The following IL1RAPL1 variants were observed in gnomAD, a reference collection of about 807,000 sequenced individuals.
IL1RAPL1 encodes the protein interleukin-1 receptor accessory protein-like 1.
A neutral mutation model predicts 48.4 loss-of-function variants in IL1RAPL1; 3 were observed. The observed-to-expected ratio is 0.06, with a 90% CI of 0.03 to 0.16. The LOEUF (loss-of-function observed/expected upper bound fraction) is 0.16, where lower values mean the gene tolerates loss of function less well. Ranked by LOEUF, IL1RAPL1 falls within the 10% of genes least tolerant of loss-of-function variation. IL1RAPL1 has a pLI of 1.00. For missense variants in IL1RAPL1, 349 were observed against 530.6 expected, an observed-to-expected ratio of 0.66 and a Z score of 3.36; for synonymous variants, 185 against 187.7, an observed-to-expected ratio of 0.99 and a Z score of 0.12.
At chrX:28,705,334 A>G (rs1935362468) in intron 1 of IL1RAPL1, among the ~76,000 whole-genome samples, 1 of 111,798 alleles carries the variant, frequency 8.9e-6, no homozygotes, top group Non-Finnish European at 1.9e-5. Context: ...CTAACCATAA[A>G]AAAAGAGAAA....
At chrX:29,266,531 G>T (rs890238023) in intron 2 of IL1RAPL1, among the ~76,000 whole-genome samples, 12 of 111,452 alleles carry the variant, frequency 1.1e-4, no homozygotes, top group Admixed American at 2.9e-4. Flanking sequence ...ACAGATATAT[G>T]ATGGGTTTGA....
At chrX:28,790,374 G>A (rs1352818243) in intron 2 of IL1RAPL1, among the ~76,000 whole-genome samples, 1 of 112,466 alleles carries the variant, frequency 8.9e-6, no homozygotes. Flanking sequence ...GGCTGAGATG[G>A]GGCTGTGAAG....
At chrX:29,657,256 A>G (rs112210650) in intron 5 of IL1RAPL1, among the ~76,000 whole-genome samples, 20 of 112,026 alleles carry the variant, frequency 1.8e-4, no homozygotes, top group African/African-American at 2.9e-4. Flanking sequence ...ATTGAGCACT[A>G]TTAACATCTA....
intron 6 of IL1RAPL1, among the ~76,000 whole-genome samples, chrX:29,870,246 C>A (rs898925601): frequency 8.9e-6 from 1 of 112,141 alleles, no homozygotes; most frequent in Non-Finnish European, 1.9e-5. Flanking sequence ...AAATGATTAT[C>A]TTTAGTTTCT....
At chrX:28,927,153 C>T (rs1263232162) in intron 2 of IL1RAPL1, among the ~76,000 whole-genome samples, 1 of 111,517 alleles carries the variant, frequency 9.0e-6, no homozygotes, top group African/African-American at 3.3e-5. Context: ...CTTCAGCCTC[C>T]CAAAGAACTG....
intron 3 of IL1RAPL1, among the ~76,000 whole-genome samples, chrX:29,334,720 CG>C (rs1375492335): frequency 2.7e-5 from 3 of 112,322 alleles, no homozygotes; most frequent in Non-Finnish European, 5.7e-5. Context: ...AGACGATGGG[CG>C]GCCGGGCAGA....
rs773776886 is a variant in IL1RAPL1 at position 29,201,778 on chromosome X, G to A, written c.83-81160G>A. Among the ~76,000 whole-genome samples the A allele has an allele frequency of 3.0e-3, 321 of 108,781 alleles. 2 individuals are homozygous for A. The highest frequency in any genetic ancestry group is 9.7e-3 in the African/African-American group (289 of 29,835). The allele number at this position is 108,781 out of a possible 115,157, so 94.5% of individuals were successfully genotyped here. On this transcript the variant is annotated intron_variant, in intron 2 of 10. Transcript: ENST00000378993. ...ACGCTCTCGGCTCGCGGCAACCTCC[G>A]CCTCGCAGGTTCAAGCGATTCTCCT... is the stretch of plus-strand genomic sequence containing the variant.
At chrX:28,774,809 T>C (rs1293766856) in intron 1 of IL1RAPL1, among the ~76,000 whole-genome samples, 4 of 111,749 alleles carry the variant, frequency 3.6e-5, no homozygotes, top group African/African-American at 1.3e-4. Context: ...AACGACTTCC[T>C]GACTTCCCAA....
At chrX:29,551,275 G>C (rs1921809440) in intron 5 of IL1RAPL1, among the ~76,000 whole-genome samples, 1 of 111,949 alleles carries the variant, frequency 8.9e-6, no homozygotes, top group Admixed American at 9.5e-5. Flanking sequence ...CTAGGACCGT[G>C]GGAGTAGTGG....
intron 2 of IL1RAPL1, among the ~76,000 whole-genome samples, chrX:29,157,096 A>G (rs912975601): frequency 9.0e-6 from 1 of 111,427 alleles, no homozygotes; most frequent in Non-Finnish European, 1.9e-5. Context: ...GCCCCTTTGT[A>G]TATGTTGAAA....
At chrX:29,569,127 T>C (rs1411399066) in intron 5 of IL1RAPL1, among the ~76,000 whole-genome samples, 2 of 111,570 alleles carry the variant, frequency 1.8e-5, no homozygotes, top group African/African-American at 6.5e-5. Flanking sequence ...CTAGCACCAC[T>C]GAACTAGAAA....
At chrX:29,319,160 G>GTCTGCCTGTCTATCTATCTA (rs370282992) in intron 3 of IL1RAPL1, among the ~76,000 whole-genome samples, 8 of 84,988 alleles carry the variant, frequency 9.4e-5, no homozygotes, top group African/African-American at 3.7e-4. Flanking sequence ...CTATCTGTCT[G>GTCTGCCTGTCTATCTATCTA]TCTATCTATC....
At chrX:29,502,443 G>A (rs1217124383) in intron 5 of IL1RAPL1, among the ~76,000 whole-genome samples, 1 of 111,282 alleles carries the variant, frequency 9.0e-6, no homozygotes. Flanking sequence ...TACAATATTA[G>A]CTGTGGGTTT....
At chrX:29,188,387 A>G (rs1371191794) in intron 2 of IL1RAPL1, among the ~76,000 whole-genome samples, 1 of 111,590 alleles carries the variant, frequency 9.0e-6, no homozygotes, top group East Asian at 2.8e-4. Flanking sequence ...GTTGATCTGG[A>G]GGGACAGAGA....
intron 6 of IL1RAPL1, among the ~76,000 whole-genome samples, chrX:29,799,165 G>T (rs1399167303): frequency 8.9e-6 from 1 of 112,060 alleles, no homozygotes; most frequent in Non-Finnish European, 1.9e-5. Flanking sequence ...TTATTTAATA[G>T]AACAATTAAA....
intron 6 of IL1RAPL1, among the ~76,000 whole-genome samples, chrX:29,818,186 T>C (rs1233439953): frequency 8.9e-6 from 1 of 111,966 alleles, no homozygotes; most frequent in East Asian, 2.8e-4. Flanking sequence ...TGAATGTTGG[T>C]TGGGAAACAA....
At chrX:28,726,534 A>G (rs894908125) in intron 1 of IL1RAPL1, among the ~76,000 whole-genome samples, 1 of 111,600 alleles carries the variant, frequency 9.0e-6, no homozygotes, top group East Asian at 2.8e-4. Flanking sequence ...TTAAGGAAAA[A>G]CCTATTATAA....
At chrX:28,759,104 G>A (rs977076568) in intron 1 of IL1RAPL1, among the ~76,000 whole-genome samples, 2 of 110,994 alleles carry the variant, frequency 1.8e-5, no homozygotes, top group East Asian at 5.6e-4. Flanking sequence ...TGGGTGTGGT[G>A]GTGGGCACCT....
intron 6 of IL1RAPL1, among the ~76,000 whole-genome samples, chrX:29,785,365 A>G (rs952591780): frequency 1.8e-5 from 2 of 112,637 alleles, no homozygotes; most frequent in Non-Finnish European, 3.8e-5. Flanking sequence ...TTGTAAGGAT[A>G]TGGAGCAAGT....
Sources: allele counts gnomAD v4.1 joint callset (sites outside exome capture counted in the v4.1 genomes callset), GRCh38; gene constraint gnomAD v4.1.1; transcripts MANE v1.5; gene names NCBI Gene and HGNC (gene_info 2026-07-23, HGNC 2026-07-21).